The following TDP1 variants were observed in gnomAD, a reference collection of about 807,000 sequenced individuals.
The protein encoded by TDP1 is tyrosyl-DNA phosphodiesterase 1.
TDP1 carries 64 observed loss-of-function variants against 81.5 expected under a neutral mutation model. That is an observed-to-expected ratio of 0.79 (90% CI 0.64 to 0.97). The LOEUF is 0.97. TDP1 is among the 50% of genes least tolerant of loss of function. The pLI is 0.00. For synonymous variants in TDP1, 256 were observed against 264.3 expected (o/e 0.97, Z 0.30); for missense variants, 723 against 743.8 (o/e 0.97, Z 0.33).
intron 14 of TDP1, among the ~76,000 whole-genome samples, chr14:89,997,661 C>T (rs1896755990): frequency 6.6e-6 from 1 of 152,122 alleles, no homozygotes; most frequent in South Asian, 2.1e-4. Flanking sequence ...GAGGAACATA[C>T]AAGAAATACA....
At position 89,991,748 on chromosome 14, in the gene TDP1, T is replaced by C. The variant is rs992967591; in HGVS notation, c.1367-169T>C. On this transcript the variant is annotated intron_variant, in intron 12 of 16. Transcript: ENST00000335725. The stretch of plus-strand genomic sequence containing the variant: ...AAGGAAACCTCGTTAAGAGAACATA[T>C]CTAGTGCAACTATAGACATTTTCTT... The C allele has an allele frequency of 6.3e-6, 5 of 793,366 alleles. No individual in the cohort carries two copies. In the African/African-American group the frequency reaches 7.5e-5, roughly 12 times the overall value. The allele number at this position is 793,366 out of a possible 1,614,324, so 49.1% of individuals were successfully genotyped here.
At chr14:89,964,340 C>T (rs555775086) in intron 3 of TDP1, among the ~76,000 whole-genome samples, 68 of 152,350 alleles carry the variant, frequency 4.5e-4, no homozygotes, top group Middle Eastern at 6.8e-3. Flanking sequence ...CTAGAATCTG[C>T]TTTCTGGCCT....
intron 14 of TDP1, among the ~76,000 whole-genome samples, chr14:89,998,372 TTATATATATATATATATATATA>T (rs58264054): frequency 0.013 from 692 of 53,128 alleles, 68 homozygotes; most frequent in Admixed American, 0.012. Flanking sequence ...TCCAAGCACA[TTATATATATATATATATATATA>T]TATATATATA....
chr14:90,029,159 A>G (rs1003656124), intron 15 of TDP1, among the ~76,000 whole-genome samples: 1 of 150,978 alleles, frequency 6.6e-6, no homozygotes, highest in Non-Finnish European at 1.5e-5. Flanking sequence ...AGGACCAAGA[A>G]TCAGAAAGAC....
chr14:90,043,146 A>G lies in TDP1; in HGVS notation c.*3A>G. On this transcript the variant is annotated 3_prime_UTR_variant, in exon 17 of 17. Transcript: ENST00000335725. ...GGAACATGTGGGTGCCCTCCTGAGA[A>G]TCTTGAGGCACTGTGAAATTTAAGT... is the stretch of plus-strand genomic sequence containing the variant. The G allele has an allele frequency of 6.2e-7, 1 of 1,614,200 alleles. No homozygotes were observed.
chr14:90,009,430 G>T (rs929437017), intron 14 of TDP1, among the ~76,000 whole-genome samples: 2 of 152,128 alleles, frequency 1.3e-5, no homozygotes, highest in Non-Finnish European at 2.9e-5. Flanking sequence ...TTATGCCAGG[G>T]GATAAGAGGC....
At chr14:90,039,670 T>G (rs546043009) in intron 16 of TDP1, among the ~76,000 whole-genome samples, 1 of 147,358 alleles carries the variant, frequency 6.8e-6, no homozygotes, top group South Asian at 2.1e-4. Context: ...TTTATCTGAT[T>G]ATTAAAAAAA....
intron 14 of TDP1, among the ~76,000 whole-genome samples, 189 bp downstream of exon 14, chr14:89,993,672 C>T (rs1216088177): frequency 6.6e-6 from 1 of 152,138 alleles, no homozygotes; most frequent in Admixed American, 6.5e-5. Context: ...TGATCATCAC[C>T]TACTTTTGCT....
At chr14:89,965,679 C>A in intron 3 of TDP1, 2 of 648,170 alleles carry the variant, frequency 3.1e-6, no homozygotes, top group Non-Finnish European at 3.8e-6. Flanking sequence ...TGCCTCTGTC[C>A]TTTCATTCAC....
intron 3 of TDP1, among the ~76,000 whole-genome samples, chr14:89,965,271 C>G (rs1285159681): frequency 6.6e-6 from 1 of 152,056 alleles, no homozygotes; most frequent in Non-Finnish European, 1.5e-5. Flanking sequence ...ATGAGCCAGT[C>G]TTAATTCTCA....
Position 90,043,736 on chromosome 14 carries a change from A to G in TDP1, c.*593A>G, listed in dbSNP as rs1294400919. On this transcript the variant is annotated 3_prime_UTR_variant, in exon 17 of 17. Coordinates refer to ENST00000335725, the MANE Select transcript of TDP1 (RefSeq NM_018319.4). ...ATCTTGGAGCAGTTCAGATTTTCAG[A>G]TTAGGGATGCTCAAATCTATATAGA... 1 of 158,272 alleles carries G rather than the reference A, an allele frequency of 6.3e-6. No homozygotes were observed. The highest frequency in any genetic ancestry group is 2.6e-5 in the African/African-American group (1 of 38,404). The allele number at this position is 158,272 out of a possible 1,614,324, so 9.8% of individuals were successfully genotyped here.
intron 13 of TDP1, among the ~76,000 whole-genome samples, chr14:89,992,473 G>A (rs1221199578): frequency 6.6e-6 from 1 of 152,174 alleles, no homozygotes; most frequent in African/African-American, 2.4e-5. Context: ...TCCAGCCACA[G>A]CAGTTGCACA....
intron 5 of TDP1, among the ~76,000 whole-genome samples, chr14:89,970,128 G>A (rs928233996): frequency 5.9e-5 from 9 of 151,884 alleles, no homozygotes; most frequent in South Asian, 4.1e-4. Flanking sequence ...TGCCCGCCTC[G>A]GCCTCCCAAA....
At position 89,989,735 on chromosome 14, in the gene TDP1, A is replaced by G; in HGVS notation, c.1336A>G (p.Asn446Asp). ...TTTTTAGATCTATCCTTCTGTGGAA[A>G]ATGTGCGGACCAGTTTAGAAGGATA... ...PLYLIYPSVE[N>D]VRTSLEGYPA... is the part of the protein sequence containing the mutation. The change falls in exon 12 of 17, where the codon AAT (asparagine) becomes GAT (aspartate). Residue 446 changes from asparagine (N) to aspartate (D), a missense_variant. Physicochemically the swap from Asn to Asp is conservative, Grantham distance 23 (BLOSUM62 1). Transcript: ENST00000335725. The G allele has an allele frequency of 6.2e-7, 1 of 1,611,702 alleles. No homozygotes were observed. Among genetic ancestry groups the G allele is most frequent in the Non-Finnish European group, 8.5e-7 (1 of 1,177,942 alleles).
chr14:90,025,179 C>T (rs924290944), intron 15 of TDP1, among the ~76,000 whole-genome samples: 2 of 152,174 alleles, frequency 1.3e-5, no homozygotes, highest in African/African-American at 4.8e-5. Flanking sequence ...AGAGGCCTCA[C>T]CTAGAAAAGG....
intron 14 of TDP1, among the ~76,000 whole-genome samples, chr14:90,007,722 C>T (rs1884212493): frequency 1.3e-5 from 2 of 152,120 alleles, no homozygotes; most frequent in Non-Finnish European, 2.9e-5. Flanking sequence ...CCTTCCACCT[C>T]AGCCTCCCAA....
intron 8 of TDP1, among the ~76,000 whole-genome samples, chr14:89,982,373 T>C (rs562145132): frequency 1.3e-5 from 2 of 152,356 alleles, no homozygotes; most frequent in South Asian, 4.1e-4. Context: ...CAAGAGCTTC[T>C]AAGCCAGTTC....
intron 16 of TDP1, among the ~76,000 whole-genome samples, chr14:90,035,430 T>C (rs562176905): frequency 6.6e-6 from 1 of 151,526 alleles, no homozygotes; most frequent in South Asian, 2.1e-4. Context: ...TATCAGAATT[T>C]AAAGCAGTCT....
At chr14:90,021,024 T>C (rs1886030307) in intron 15 of TDP1, among the ~76,000 whole-genome samples, 1 of 151,928 alleles carries the variant, frequency 6.6e-6, no homozygotes, top group South Asian at 2.1e-4. Context: ...ACTCCTGGCC[T>C]CAAGCGATCT....
Sources: gnomAD v4.1 joint callset for allele counts (sites outside exome capture counted in the v4.1 genomes callset) on GRCh38, gnomAD v4.1.1 for gene constraint, MANE v1.5 for transcripts, NCBI Gene and HGNC (gene_info 2026-07-23, HGNC 2026-07-21) for gene names.